Variants in FGF7 observed in about 807,000 individuals in gnomAD.
The protein encoded by FGF7 is fibroblast growth factor 7, also known as FGF-7.
A neutral mutation model predicts 20.5 loss-of-function variants in FGF7; 6 were observed. That is an observed-to-expected ratio of 0.29 (90% CI 0.16 to 0.58). The LOEUF (loss-of-function observed/expected upper bound fraction) is 0.58, where lower values mean the gene tolerates loss of function less well. FGF7 is among the 20% of genes least tolerant of loss of function. The pLI is 0.90. For synonymous variants in FGF7, 64 were observed against 74.7 expected, an observed-to-expected ratio of 0.86 and a Z score of 0.74; for missense variants, 144 against 228.8, an observed-to-expected ratio of 0.63 and a Z score of 2.39.
chr15:49,455,407 A>C (rs914800894), intron 2 of FGF7, among the ~76,000 whole-genome samples: 1 of 152,194 alleles, frequency 6.6e-6, no homozygotes, highest in Non-Finnish European at 1.5e-5. Flanking sequence ...AAATGCATAA[A>C]ACCCCAGCAT....
intron 2 of FGF7, among the ~76,000 whole-genome samples, chr15:49,438,983 T>C (rs1480703253): frequency 6.6e-6 from 1 of 151,730 alleles, no homozygotes; most frequent in Non-Finnish European, 1.5e-5. Context: ...GTATTTATTA[T>C]CTTGCAGTTT....
intron 2 of FGF7, among the ~76,000 whole-genome samples, chr15:49,429,097 A>C (rs2050370598): frequency 6.6e-6 from 1 of 152,020 alleles, no homozygotes; most frequent in Admixed American, 6.6e-5. Flanking sequence ...AGTTCTTAGC[A>C]AGTTATCTAA....
intron 2 of FGF7, among the ~76,000 whole-genome samples, chr15:49,477,719 G>GT (rs1379049394): frequency 2.6e-5 from 4 of 152,310 alleles, no homozygotes; most frequent in Non-Finnish European, 4.4e-5. Context: ...GGATTATATA[G>GT]TAAGAGTATG....
chr15:49,459,429 T>C (rs12442143), intron 2 of FGF7, among the ~76,000 whole-genome samples: 49,447 of 152,032 alleles, frequency 0.33, 8,763 homozygotes, highest in African/African-American at 0.45. Flanking sequence ...GTTGTACATT[T>C]TTGCAGTGCT....
chr15:49,430,245 C>T (rs2050480949), intron 2 of FGF7, among the ~76,000 whole-genome samples: 1 of 151,914 alleles, frequency 6.6e-6, no homozygotes, highest in African/African-American at 2.4e-5. Context: ...TGTACCACAG[C>T]CTCACAATGA....
At chr15:49,472,020 GAAA>G (rs35262082) in intron 2 of FGF7, among the ~76,000 whole-genome samples, 32 of 144,166 alleles carry the variant, frequency 2.2e-4, no homozygotes, top group East Asian at 4.0e-4. Flanking sequence ...CTTTAGAAGT[GAAA>G]AAAAAAAAAA....
At chr15:49,436,108 G>C (rs1002496370) in intron 2 of FGF7, among the ~76,000 whole-genome samples, 1 of 151,474 alleles carries the variant, frequency 6.6e-6, no homozygotes, top group African/African-American at 2.4e-5. Context: ...AAGTTTGCTG[G>C]TATATAAATT....
intron 2 of FGF7, among the ~76,000 whole-genome samples, chr15:49,463,788 A>C (rs2054014953): frequency 1.3e-5 from 2 of 152,160 alleles, no homozygotes; most frequent in South Asian, 4.1e-4. Context: ...TGTTTATGGA[A>C]TAGATTCTGA....
At chr15:49,474,534 AAGAG>A (rs1275914606) in intron 2 of FGF7, among the ~76,000 whole-genome samples, 2 of 152,206 alleles carry the variant, frequency 1.3e-5, no homozygotes, top group South Asian at 4.1e-4. Flanking sequence ...TAAAAGGTAA[AAGAG>A]AGGCATCAGT....
chr15:49,450,961 C>T (rs1212149651), intron 2 of FGF7, among the ~76,000 whole-genome samples: 1 of 152,034 alleles, frequency 6.6e-6, no homozygotes, highest in East Asian at 1.9e-4. Context: ...AATGCTCCTT[C>T]CCCCAAAAAT....
chr15:49,456,373 G>A (rs2053289688), intron 2 of FGF7, among the ~76,000 whole-genome samples: 1 of 152,034 alleles, frequency 6.6e-6, no homozygotes, highest in South Asian at 2.1e-4. Context: ...TGTCTTATAT[G>A]ACAAGTCATT....
At chr15:49,463,107 G>A (rs1189746667) in intron 2 of FGF7, among the ~76,000 whole-genome samples, 1 of 152,170 alleles carries the variant, frequency 6.6e-6, no homozygotes, top group Admixed American at 6.5e-5. Context: ...CAATCCTGAC[G>A]ATTCTTGCCC....
chr15:49,446,869 G>A (rs1456048282), intron 2 of FGF7, among the ~76,000 whole-genome samples: 3 of 151,566 alleles, frequency 2.0e-5, no homozygotes, highest in Non-Finnish European at 4.4e-5. Context: ...GGGGAGAAGT[G>A]AGGAAGGAGT....
chr15:49,444,554 T>C (rs2413944), intron 2 of FGF7, among the ~76,000 whole-genome samples: 138,465 of 151,662 alleles, frequency 0.91, 64,562 homozygotes, highest in East Asian at 1. Context: ...AGTTAAAACG[T>C]TATGTGTGTG....
chr15:49,438,824 G>A (rs1009980245), intron 2 of FGF7, among the ~76,000 whole-genome samples: 2 of 118,028 alleles, frequency 1.7e-5, no homozygotes, highest in African/African-American at 2.9e-5. Flanking sequence ...TACCAATAGT[G>A]CTAAGCAACT....
At chr15:49,467,123 G>T (rs549132254) in intron 2 of FGF7, among the ~76,000 whole-genome samples, 2 of 152,256 alleles carry the variant, frequency 1.3e-5, no homozygotes, top group African/African-American at 4.8e-5. Flanking sequence ...TGGATGGTAA[G>T]TTTCACGGAG....
chr15:49,429,427 T>G (rs192351939), intron 2 of FGF7, among the ~76,000 whole-genome samples: 3 of 152,112 alleles, frequency 2.0e-5, no homozygotes, highest in Admixed American at 2.0e-4. Flanking sequence ...ATAAGTTCAT[T>G]CATTGCCACG....
intron 2 of FGF7, among the ~76,000 whole-genome samples, chr15:49,427,269 T>G (rs2050209085): frequency 1.3e-5 from 2 of 152,048 alleles, no homozygotes; most frequent in Admixed American, 1.3e-4. Flanking sequence ...AATTATGACA[T>G]TTGAAGATTG....
intron 2 of FGF7, among the ~76,000 whole-genome samples, chr15:49,467,417 A>T (rs1197126025): frequency 2.0e-5 from 3 of 151,880 alleles, no homozygotes; most frequent in Non-Finnish European, 4.4e-5. Context: ...ATAGGTGTTA[A>T]CTCCTCCCTG....
Sources: gnomAD v4.1 joint callset for allele counts (sites outside exome capture counted in the v4.1 genomes callset) on GRCh38, gnomAD v4.1.1 for gene constraint, MANE v1.5 for transcripts, NCBI Gene and HGNC (gene_info 2026-07-23, HGNC 2026-07-21) for gene names.